Variants in EPCIP observed in about 807,000 individuals in gnomAD.
EPCIP encodes exosomal polycystin-1-interacting protein.
chr21:32,810,684 A>G, the EPCIP span: 5 of 471,268 alleles, frequency 1.1e-5, no homozygotes, highest in East Asian at 2.1e-4. Flanking sequence ...CTAGATGCTG[A>G]TGGTGAACTG....
the EPCIP span, among the ~76,000 whole-genome samples, chr21:32,803,293 T>C: frequency 6.6e-6 from 1 of 152,214 alleles, no homozygotes; most frequent in Non-Finnish European, 1.5e-5. Flanking sequence ...ACTGTAAGCC[T>C]TATGGCTACC....
the EPCIP span, chr21:32,793,853 G>GT: frequency 1.1e-5 from 18 of 1,613,998 alleles, no homozygotes; most frequent in Non-Finnish European, 1.4e-5. Context: ...GGCAATGCTG[G>GT]TAACGTTTTC....
the EPCIP span, chr21:32,794,192 T>C: frequency 8.6e-5 from 139 of 1,614,118 alleles, no homozygotes; most frequent in Non-Finnish European, 1.1e-4. Context: ...CAGATGGCCA[T>C]TGTAGCTGGT....
At chr21:32,813,557 G>C in the EPCIP span, 16 of 470,120 alleles carry the variant, frequency 3.4e-5, no homozygotes, top group Admixed American at 9.4e-5. Flanking sequence ...GACTAGACAT[G>C]CTTTTTAAAA....
At chr21:32,810,584 TG>T in the EPCIP span, 1 of 471,162 alleles carries the variant, frequency 2.1e-6, no homozygotes. Context: ...CTGTTATTGT[TG>T]CATGTCCCCA....
chr21:32,794,084 G>C, the EPCIP span: 279 of 1,614,078 alleles, frequency 1.7e-4, no homozygotes, highest in Non-Finnish European at 2.3e-4. Context: ...GTATTCAGTG[G>C]GGAGAGTGTT....
chr21:32,806,928 T>A, the EPCIP span, among the ~76,000 whole-genome samples: 12 of 152,082 alleles, frequency 7.9e-5, no homozygotes. Context: ...ACAATCATGG[T>A]GGAAAGTGAG....
chr21:32,793,744 C>A, the EPCIP span: 2 of 1,612,116 alleles, frequency 1.2e-6, no homozygotes, highest in Non-Finnish European at 1.7e-6. Context: ...TTCCAGGCAG[C>A]TGGACACAGT....
the EPCIP span, chr21:32,797,379 G>A: frequency 5.2e-6 from 1 of 191,940 alleles, no homozygotes; most frequent in Admixed American, 5.5e-5. Context: ...CTCCTGAGTA[G>A]CTGAGATTAT....
At chr21:32,806,853 A>G in the EPCIP span, among the ~76,000 whole-genome samples, 110,869 of 152,016 alleles carry the variant, frequency 0.73, 41,012 homozygotes, top group East Asian at 0.91. Flanking sequence ...AGACATACCC[A>G]AGCCTGGGTA....
chr21:32,801,141 C>G, the EPCIP span, among the ~76,000 whole-genome samples: 2 of 152,076 alleles, frequency 1.3e-5, no homozygotes, highest in African/African-American at 4.8e-5. Context: ...AGGCTGAATC[C>G]CTGAATGATT....
At chr21:32,810,075 G>A in the EPCIP span, among the ~76,000 whole-genome samples, 3 of 151,868 alleles carry the variant, frequency 2.0e-5, no homozygotes, top group African/African-American at 7.3e-5. Context: ...ACCAAATCCA[G>A]TGATTAATTT....
At chr21:32,800,410 T>A in the EPCIP span, among the ~76,000 whole-genome samples, 2 of 152,224 alleles carry the variant, frequency 1.3e-5, no homozygotes, top group Non-Finnish European at 2.9e-5. Flanking sequence ...TCAGCTGCAA[T>A]ACAAAAATAA....
chr21:32,792,131 C>G, the EPCIP span, among the ~76,000 whole-genome samples: 1 of 151,976 alleles, frequency 6.6e-6, no homozygotes, highest in African/African-American at 2.4e-5. Context: ...CTCGAACTCC[C>G]GACCTCAGGT....
At chr21:32,794,119 G>C in the EPCIP span, 2 of 1,614,206 alleles carry the variant, frequency 1.2e-6, no homozygotes, top group Non-Finnish European at 1.7e-6. Flanking sequence ...AAAGCTTCAG[G>C]TCTTGGACCA....
At chr21:32,805,783 A>G in the EPCIP span, among the ~76,000 whole-genome samples, 1 of 152,160 alleles carries the variant, frequency 6.6e-6, no homozygotes, top group African/African-American at 2.4e-5. Flanking sequence ...ACAGCCCTGC[A>G]GTGTTTGCTA....
At chr21:32,802,850 C>T in the EPCIP span, among the ~76,000 whole-genome samples, 3 of 152,152 alleles carry the variant, frequency 2.0e-5, no homozygotes, top group Non-Finnish European at 2.9e-5. Context: ...GGCGCGATCT[C>T]GGCTCACTGC....
the EPCIP span, among the ~76,000 whole-genome samples, chr21:32,810,342 G>T: frequency 8.0e-6 from 1 of 124,472 alleles, no homozygotes; most frequent in African/African-American, 3.1e-5. Flanking sequence ...TGCAACCTCC[G>T]CCTCCCGGGT....
chr21:32,809,332 C>CTT, the EPCIP span, among the ~76,000 whole-genome samples: 1 of 130,656 alleles, frequency 7.7e-6, no homozygotes, highest in Non-Finnish European at 1.6e-5. Context: ...TTCTTTCTTT[C>CTT]TTTCTTTCTT....
Sources: gnomAD v4.1 joint callset for allele counts (sites outside exome capture counted in the v4.1 genomes callset) on GRCh38, gnomAD v4.1.1 for gene constraint, MANE v1.5 for transcripts, NCBI Gene and HGNC (gene_info 2026-07-23, HGNC 2026-07-21) for gene names.